Variants in NCOA6 observed in about 807,000 individuals in gnomAD.
NCOA6 encodes the protein NRC RAP250.
Under a neutral mutation model 171.4 loss-of-function variants are expected in NCOA6, and 49 were observed. That is an observed-to-expected ratio of 0.29 (90% CI 0.23 to 0.36). The LOEUF (loss-of-function observed/expected upper bound fraction) is 0.36, where lower values mean the gene tolerates loss of function less well. Among genes scored for constraint, NCOA6 ranks in the 10% least tolerant of loss-of-function variants. NCOA6 has a pLI of 1.00. For synonymous variants in NCOA6, 910 were observed against 927.5 expected, an observed-to-expected ratio of 0.98 and a Z score of 0.34; for missense variants, 2,248 against 2,554.5, an observed-to-expected ratio of 0.88 and a Z score of 2.59.
intron 2 of NCOA6, among the ~76,000 whole-genome samples, chr20:34,786,524 C>T (rs1390364619): frequency 1.3e-5 from 2 of 152,098 alleles, no homozygotes; most frequent in Non-Finnish European, 2.9e-5. Flanking sequence ...TTAACACTGT[C>T]CCAGAGATTC....
intron 14 of NCOA6, among the ~76,000 whole-genome samples, chr20:34,716,567 G>A (rs1317265812): frequency 6.6e-6 from 1 of 152,136 alleles, no homozygotes. Flanking sequence ...GCCTGGGCAA[G>A]ATGGTGAGAA....
chr20:34,784,707 G>A (rs1043926917), intron 2 of NCOA6, among the ~76,000 whole-genome samples: 5 of 152,074 alleles, frequency 3.3e-5, no homozygotes, highest in African/African-American at 1.2e-4. Context: ...CTCAAACCCA[G>A]GAGTTCGAGG....
intron 4 of NCOA6, among the ~76,000 whole-genome samples, chr20:34,772,703 T>G (rs2077188617): frequency 6.6e-6 from 1 of 152,128 alleles, no homozygotes; most frequent in African/African-American, 2.4e-5. Flanking sequence ...GGGCTGCCAT[T>G]ATGGTGGGCA....
At chr20:34,729,360 A>T (rs1990339307) in intron 13 of NCOA6, among the ~76,000 whole-genome samples, 1 of 152,230 alleles carries the variant, frequency 6.6e-6, no homozygotes, top group Non-Finnish European at 1.5e-5. Context: ...TTGTAGGAAT[A>T]CTAGTTTACT....
At chr20:34,724,935 C>T in intron 14 of NCOA6, among the ~76,000 whole-genome samples, 1 of 151,768 alleles carries the variant, frequency 6.6e-6, no homozygotes, top group Non-Finnish European at 1.5e-5. Flanking sequence ...ATTACAGGCG[C>T]CCACCACCAC....
At chr20:34,765,419 G>A (rs541637607) in intron 5 of NCOA6, among the ~76,000 whole-genome samples, 2 of 142,756 alleles carry the variant, frequency 1.4e-5, no homozygotes, top group African/African-American at 2.6e-5. Flanking sequence ...CAGCCTAGGC[G>A]ACAGAGCGAG....
In NCOA6 at chr20:34,727,352, G is replaced by T; in HGVS notation, c.6055C>A (p.Arg2019=). 1 of 1,614,104 alleles carries T rather than the reference G, an allele frequency of 6.2e-7. No homozygotes were observed. Among genetic ancestry groups the T allele is most frequent in the South Asian group, 1.1e-5 (1 of 91,072 alleles). The stretch of plus-strand genomic sequence containing the variant: ...GAGGCCACAGTTGGCTCTTCAGTTC[G>T]GGAGTTTCTTCGGCCTGGGATTTTG... ...KSKIPGRRNS[R]TEEPTVASES... Residue 2019 remains arginine (R), a synonymous_variant, in exon 14 of 15, where the codon CGA becomes AGA. Transcript: ENST00000359003.
chr20:34,774,578 G>A (rs780948621), intron 4 of NCOA6, among the ~76,000 whole-genome samples: 4 of 152,210 alleles, frequency 2.6e-5, no homozygotes, highest in Non-Finnish European at 5.9e-5. Flanking sequence ...GACCTCGACT[G>A]CTCAGGTTTC....
chr20:34,812,548 A>G (rs1193980554), intron 1 of NCOA6, among the ~76,000 whole-genome samples: 1 of 152,154 alleles, frequency 6.6e-6, no homozygotes, highest in African/African-American at 2.4e-5. Flanking sequence ...GAAACTTGAG[A>G]TTTCCAAAAC....
chr20:34,797,411 T>C (rs1314582644), intron 1 of NCOA6, among the ~76,000 whole-genome samples: 1 of 152,120 alleles, frequency 6.6e-6, no homozygotes, highest in Non-Finnish European at 1.5e-5. Flanking sequence ...GACTCAGCCC[T>C]GGCAGCATTC....
At chr20:34,807,423 A>G (rs988167868) in intron 1 of NCOA6, among the ~76,000 whole-genome samples, 4 of 152,208 alleles carry the variant, frequency 2.6e-5, no homozygotes, top group Non-Finnish European at 5.9e-5. Flanking sequence ...CATAATAAAA[A>G]TGTATGTTGT....
chr20:34,808,564 G>A (rs573740372), intron 1 of NCOA6, among the ~76,000 whole-genome samples: 14 of 151,002 alleles, frequency 9.3e-5, no homozygotes, highest in African/African-American at 2.4e-4. Context: ...TCAGCCTCCC[G>A]AGTATCTGGG....
At chr20:34,722,511 T>G (rs762387377) in intron 14 of NCOA6, among the ~76,000 whole-genome samples, 1 of 151,576 alleles carries the variant, frequency 6.6e-6, no homozygotes, top group Non-Finnish European at 1.5e-5. Context: ...AGACCCCATC[T>G]CTACAAAAAA....
chr20:34,792,655 T>G (rs1191884282), intron 1 of NCOA6, 92 bp from the exon 2 acceptor site: 1 of 397,000 alleles, frequency 2.5e-6, no homozygotes. Context: ...TTCTTTAATT[T>G]CATAACCTAT....
intron 4 of NCOA6, among the ~76,000 whole-genome samples, chr20:34,770,900 G>A (rs1216082439): frequency 2.6e-5 from 4 of 152,096 alleles, no homozygotes; most frequent in Non-Finnish European, 4.4e-5. Flanking sequence ...AAAGTGCTGG[G>A]ATTACAGGCA....
intron 1 of NCOA6, among the ~76,000 whole-genome samples, chr20:34,813,902 C>G (rs925551825): frequency 6.6e-6 from 1 of 151,886 alleles, no homozygotes; most frequent in Non-Finnish European, 1.5e-5. Flanking sequence ...GGTAGTTGTT[C>G]TGAAGAATAA....
intron 11 of NCOA6, among the ~76,000 whole-genome samples, chr20:34,738,303 C>A (rs148460629): frequency 6.6e-6 from 1 of 152,312 alleles, no homozygotes; most frequent in African/African-American, 2.4e-5. Flanking sequence ...AAATTGAGAA[C>A]TTTTCCCAAG....
At chr20:34,822,020 T>C (rs1305109275) in intron 1 of NCOA6, among the ~76,000 whole-genome samples, 1 of 152,082 alleles carries the variant, frequency 6.6e-6, no homozygotes, top group Non-Finnish European at 1.5e-5. Flanking sequence ...CCACAGCCTC[T>C]GCCTTAGTTC....
chr20:34,718,554 G>T (rs777282406), intron 14 of NCOA6, among the ~76,000 whole-genome samples: 6 of 149,744 alleles, frequency 4.0e-5, no homozygotes, highest in Non-Finnish European at 5.9e-5. Flanking sequence ...CGCCCAGGCT[G>T]GAGTGCAGTG....
Sources: allele counts gnomAD v4.1 joint callset (sites outside exome capture counted in the v4.1 genomes callset), GRCh38; gene constraint gnomAD v4.1.1; transcripts MANE v1.5; gene names NCBI Gene and HGNC (gene_info 2026-07-23, HGNC 2026-07-21).